Variants in ZPBP observed in about 807,000 individuals in gnomAD.
The protein encoded by ZPBP is zona pellucida binding protein, also known as zona pellucida-binding protein 1.
In ZPBP, 26 loss-of-function variants were observed where a neutral mutation model predicts 44.8. The observed-to-expected ratio is 0.58, with a 90% CI of 0.43 to 0.81. The LOEUF (loss-of-function observed/expected upper bound fraction) is 0.81, where lower values mean the gene tolerates loss of function less well. ZPBP is among the 30% of genes least tolerant of loss of function. The probability of loss-of-function intolerance (pLI) is 0.00; values close to 1 mark genes in which losing one functional copy is unlikely to be tolerated. For missense variants in ZPBP, 409 were observed against 434.0 expected, an observed-to-expected ratio of 0.94 and a Z score of 0.51; for synonymous variants, 174 against 153.2, an observed-to-expected ratio of 1.14 and a Z score of -1.00.
At chr7:49,875,172 C>G (rs776000853) in intron 2 of ZPBP, among the ~76,000 whole-genome samples, 1 of 151,580 alleles carries the variant, frequency 6.6e-6, no homozygotes, top group Non-Finnish European at 1.5e-5. Context: ...GAGTTCGAGA[C>G]TAGCCTGGCC....
At chr7:49,937,390 G>C (rs1372594054), downstream of ZPBP, 3 of 671,186 alleles carry the variant, frequency 4.5e-6, no homozygotes, top group Non-Finnish European at 7.9e-6. Flanking sequence ...TAAAACATTT[G>C]GACATACAGT....
downstream of ZPBP, among the ~76,000 whole-genome samples, chr7:49,846,885 AG>A (rs1789963463): frequency 6.6e-6 from 1 of 152,232 alleles, no homozygotes; most frequent in South Asian, 2.1e-4. Context: ...AGCCTAAATG[AG>A]GTAAAATATT....
intron 7 of ZPBP, among the ~76,000 whole-genome samples, chr7:49,973,374 T>G (rs369575418): frequency 2.6e-5 from 4 of 151,890 alleles, no homozygotes; most frequent in East Asian, 3.9e-4. Flanking sequence ...CTTTGTGCAC[T>G]TAGGACATTA....
intron 7 of ZPBP, among the ~76,000 whole-genome samples, chr7:49,974,652 T>G (rs942078965): frequency 2.6e-5 from 4 of 152,114 alleles, no homozygotes; most frequent in Non-Finnish European, 4.4e-5. Context: ...ATACAGAAAC[T>G]GCCATTAGGC....
chr7:49,907,687 T>C (rs1027832365), intron 1 of ZPBP, among the ~76,000 whole-genome samples: 6 of 152,166 alleles, frequency 3.9e-5, no homozygotes. Context: ...ACATGTAATG[T>C]ATATATTGGT....
At chr7:49,980,157 T>C (rs1306908444) in intron 7 of ZPBP, among the ~76,000 whole-genome samples, 1 of 115,520 alleles carries the variant, frequency 8.7e-6, no homozygotes, top group Admixed American at 1.2e-4. Context: ...TATAATTATA[T>C]ATTATATTAT....
Position 49,877,064 on chromosome 7 carries a change from A to G in ZPBP, n.509+24054T>C, listed in dbSNP as rs1402369890. On this transcript the variant is annotated intron_variant and non_coding_transcript_variant, in intron 2 of 2. Coordinates refer to the ZPBP transcript ENST00000465922. ...CTCCTCCAGATTACAGCTGATGCCC[A>G]AAGAGACTGCAAGGAAAGATGCTGT... is the stretch of plus-strand genomic sequence containing the variant. 6.6e-5 allele frequency among the ~76,000 whole-genome samples: 10 copies of G among 152,262 alleles called. No individual in the cohort carries two copies. The East Asian group carries it at 1.9e-3, about 29-fold the overall frequency.
downstream of ZPBP, among the ~76,000 whole-genome samples, chr7:49,849,462 G>A (rs746861426): frequency 3.9e-5 from 6 of 152,252 alleles, no homozygotes; most frequent in East Asian, 1.9e-4. Flanking sequence ...GGGTCCTCGC[G>A]GGTCTCTGGA....
At chr7:50,066,057 C>T (rs1215437276) in intron 3 of ZPBP, among the ~76,000 whole-genome samples, 2 of 151,116 alleles carry the variant, frequency 1.3e-5, no homozygotes, top group South Asian at 2.1e-4. Context: ...CTGAATGTTA[C>T]AGTCTGGGCA....
intron 2 of ZPBP, among the ~76,000 whole-genome samples, chr7:49,886,452 TTTTC>T (rs953033754): frequency 6.6e-6 from 1 of 152,152 alleles, no homozygotes; most frequent in Admixed American, 6.5e-5. Flanking sequence ...TCAAATGGAT[TTTTC>T]TTTAACTATT....
chr7:50,008,269 C>T (rs947716296), intron 6 of ZPBP, among the ~76,000 whole-genome samples: 1 of 151,928 alleles, frequency 6.6e-6, no homozygotes, highest in Non-Finnish European at 1.5e-5. Context: ...AACAATTCCA[C>T]TTACAATAGC....
chr7:49,947,277 T>C (rs1031076761), intron 7 of ZPBP, among the ~76,000 whole-genome samples: 2 of 152,180 alleles, frequency 1.3e-5, no homozygotes, highest in African/African-American at 4.8e-5. Flanking sequence ...TGTCTTGGCA[T>C]TGAAGAGTCA....
rs564663670 is a variant in ZPBP at position 50,007,514 on chromosome 7, A to C, written c.783+10726T>G. Among the ~76,000 whole-genome samples the C allele has an allele frequency of 6.6e-5, 10 of 152,216 alleles. No individual in the cohort carries two copies. The South Asian group carries it at 1.9e-3, about 28-fold the overall frequency. On this transcript the variant is annotated intron_variant, in intron 6 of 7. Transcript: ENST00000046087. ...TAAAGTCTCAAAAACTGTAGAAGACAGAAGCCTCTAGACTCATTCTATGAG... is the reference window on the plus strand; with the variant it reads ...TAAAGTCTCAAAAACTGTAGAAGACCGAAGCCTCTAGACTCATTCTATGAG...
Position 49,898,380 on chromosome 7 carries a change from G to A in ZPBP, n.509+2738C>T, listed in dbSNP as rs116057175. On this transcript the variant is annotated intron_variant and non_coding_transcript_variant, in intron 2 of 2. Transcript: ENST00000465922. ...GTTACTTCTTTCTTTATTTAGATAT[G>A]GGTTTCTTACCCATACAATTTTCTT... Among the ~76,000 whole-genome samples the A allele has an allele frequency of 7.6e-3, 1,152 of 151,150 alleles. 24 individuals carry two copies. Among genetic ancestry groups the A allele is most frequent in the African/African-American group, 0.026 (1,091 of 41,196 alleles).
At chr7:49,989,312 G>A (rs761100476) in intron 6 of ZPBP, among the ~76,000 whole-genome samples, 4 of 152,230 alleles carry the variant, frequency 2.6e-5, no homozygotes, top group East Asian at 1.9e-4. Context: ...TAACAGGCCC[G>A]GGAACCCCAT....
intron 2 of ZPBP, among the ~76,000 whole-genome samples, chr7:50,087,257 C>A (rs553136894): frequency 1.8e-4 from 27 of 151,996 alleles, no homozygotes; most frequent in African/African-American, 6.3e-4. Context: ...ATGAACATAG[C>A]CATAAAAATC....
chr7:49,943,478 G>T, intron 7 of ZPBP: 1 of 455,356 alleles, frequency 2.2e-6, no homozygotes, highest in South Asian at 1.8e-5. Flanking sequence ...CCAACATTTA[G>T]ATAGCCAATG....
rs115347438 is a variant in ZPBP, at chr7:50,016,308, A to G, written c.783+1932T>C. On this transcript the variant is annotated intron_variant, in intron 6 of 7. Coordinates refer to ENST00000046087, the MANE Select transcript of ZPBP (RefSeq NM_007009.3). ...CATTATCCTCAACAAATTAATGCAG[A>G]AACAGAAAGCCAAATACCACATGTT... 7.8e-3 allele frequency among the ~76,000 whole-genome samples: 1,181 copies of G among 152,278 alleles called. 15 individuals carry two copies. Among genetic ancestry groups the G allele is most frequent in the African/African-American group, 0.027 (1,103 of 41,554 alleles).
chr7:49,983,037 T>C (rs1583978847), intron 7 of ZPBP, among the ~76,000 whole-genome samples: 1 of 152,098 alleles, frequency 6.6e-6, no homozygotes, highest in Non-Finnish European at 1.5e-5. Flanking sequence ...CTAAAAGATA[T>C]ATTAATTGGC....
Sources: allele counts gnomAD v4.1 joint callset (sites outside exome capture counted in the v4.1 genomes callset), GRCh38; gene constraint gnomAD v4.1.1; transcripts MANE v1.5; gene names NCBI Gene and HGNC (gene_info 2026-07-23, HGNC 2026-07-21).